PTPRT: variants seen among roughly 807,000 people sequenced by gnomAD.
The protein encoded by PTPRT is protein tyrosine phosphatase receptor type T, also known as receptor-type tyrosine-protein phosphatase T.
A neutral mutation model predicts 176.8 loss-of-function variants in PTPRT; 56 were observed. That is an observed-to-expected ratio of 0.32 (90% CI 0.26 to 0.40). The LOEUF is 0.40. Among genes scored for constraint, PTPRT ranks in the 10% least tolerant of loss-of-function variants. The pLI is 1.00. For synonymous variants in PTPRT, 783 were observed against 739.0 expected, an observed-to-expected ratio of 1.06 and a Z score of -0.96; for missense variants, 1,540 against 1,908.2, an observed-to-expected ratio of 0.81 and a Z score of 3.60.
intron 1 of PTPRT, among the ~76,000 whole-genome samples, chr20:42,985,626 T>C (rs1983529473): frequency 6.6e-6 from 1 of 151,994 alleles, no homozygotes; most frequent in East Asian, 1.9e-4. Flanking sequence ...TCAAAAACAA[T>C]GCACTTTTTT....
intron 15 of PTPRT, among the ~76,000 whole-genome samples, chr20:42,209,825 C>G (rs1408420005): frequency 6.6e-6 from 1 of 152,162 alleles, no homozygotes; most frequent in African/African-American, 2.4e-5. Context: ...GATACCAAAG[C>G]CTGGCAGAGA....
intron 1 of PTPRT, among the ~76,000 whole-genome samples, chr20:43,025,659 C>T (rs997258988): frequency 6.6e-6 from 1 of 152,156 alleles, no homozygotes; most frequent in Admixed American, 6.5e-5. Context: ...TCAAAGGTTC[C>T]TGTCTTAGGT....
chr20:42,381,725 G>T (rs2058699954), intron 9 of PTPRT, among the ~76,000 whole-genome samples: 1 of 151,874 alleles, frequency 6.6e-6, no homozygotes, highest in Admixed American at 6.6e-5. Context: ...GAAGGAGGGA[G>T]AAATATGTAA....
the PTPRT span, among the ~76,000 whole-genome samples, chr20:42,032,846 G>A: frequency 1.3e-5 from 2 of 152,124 alleles, no homozygotes; most frequent in African/African-American, 4.8e-5. Context: ...CCCAGAGAAT[G>A]GTGAGGAACT....
In PTPRT at chr20:42,128,755, T is replaced by C. The variant is rs564685400; in HGVS notation, c.2846A>G (p.Asp949Gly). The change falls in exon 19 of 31, where the codon GAC (aspartate) becomes GGC (glycine). Residue 949 changes from aspartate to glycine, a missense_variant and splice_region_variant. Around this residue, in one of 11 missense-constraint regions of PTPRT, gnomAD observed 248 missense variants for 356.7 expected, o/e 0.70. Transcript: ENST00000373187. Reference sequence around the variant, plus strand: ...CCCCAGCCCCATTAAGACACTCACGTCAATGTAGTTGGCATTGATGTAGTC... The same window carrying C: ...CCCCAGCCCCATTAAGACACTCACGCCAATGTAGTTGGCATTGATGTAGTC... ...HSDYINANYI[D>G]GYHRPRHYIA... The C allele has an allele frequency of 1.3e-6, 2 of 1,595,972 alleles. No individual in the cohort carries two copies. Among genetic ancestry groups the C allele is most frequent in the African/African-American group, 2.7e-5 (2 of 74,234 alleles).
intron 8 of PTPRT, among the ~76,000 whole-genome samples, chr20:42,471,417 C>T (rs1433558226): frequency 2.0e-5 from 3 of 152,068 alleles, no homozygotes; most frequent in Non-Finnish European, 2.9e-5. Context: ...GTGAATTCCC[C>T]GGAGATCTGG....
At chr20:42,050,325 A>G in the PTPRT span, among the ~76,000 whole-genome samples, 2 of 152,118 alleles carry the variant, frequency 1.3e-5, no homozygotes, top group African/African-American at 4.8e-5. Flanking sequence ...TCTTGCCTAG[A>G]CACTGTTTTA....
intron 1 of PTPRT, among the ~76,000 whole-genome samples, chr20:43,010,368 C>T (rs1985054176): frequency 6.6e-6 from 1 of 152,114 alleles, no homozygotes. Context: ...TCCTCACACT[C>T]ACCTTGCTGA....
rs139863925 is a variant in PTPRT at position 42,214,865 on chromosome 20, C to A, written c.2343-15477G>T. On this transcript the variant is annotated intron_variant, in intron 15 of 30. Transcript: ENST00000373187. ...AGGAATAGCACTGACTTTGGAGCCA[C>A]ACTGCCTAGACTGAAATCCTGGCTC... is the stretch of plus-strand genomic sequence containing the variant. 5.0e-3 allele frequency among the ~76,000 whole-genome samples: 759 copies of A among 152,342 alleles called. 6 individuals carry two copies. Among genetic ancestry groups the A allele is most frequent in the African/African-American group, 0.018 (734 of 41,580 alleles).
chr20:43,082,842 T>G (rs752721300), intron 1 of PTPRT, among the ~76,000 whole-genome samples: 1 of 152,116 alleles, frequency 6.6e-6, no homozygotes, highest in Non-Finnish European at 1.5e-5. Flanking sequence ...CCAGATAGTA[T>G]CAAAGAGCTG....
intron 28 of PTPRT, 36 bp from the exon 29 acceptor site, chr20:42,084,881 G>A: frequency 1.5e-6 from 2 of 1,367,790 alleles, no homozygotes; most frequent in Non-Finnish European, 1.9e-6. Flanking sequence ...TGTTCTGCTG[G>A]GGATGCTTGC....
intron 1 of PTPRT, among the ~76,000 whole-genome samples, chr20:43,069,152 T>C (rs1261963955): frequency 6.6e-6 from 1 of 152,156 alleles, no homozygotes; most frequent in African/African-American, 2.4e-5. Context: ...ACATGTTTGA[T>C]CCCAGCCATG....
chr20:42,648,919 T>A (rs531899854), intron 7 of PTPRT, among the ~76,000 whole-genome samples: 1 of 148,456 alleles, frequency 6.7e-6, no homozygotes, highest in East Asian at 2.1e-4. Flanking sequence ...CCCGGGTTCA[T>A]GCCATTCTCC....
In PTPRT at chr20:42,078,284, G is replaced by T. The variant is rs578008765; in HGVS notation, c.*2595C>A. 4.8e-6 allele frequency: 1 copy of T among 208,428 alleles called. No homozygotes were observed. The highest frequency in any genetic ancestry group is 2.3e-5 in the African/African-American group (1 of 44,002). The allele number at this position is 208,428 out of a possible 1,614,324, so 12.9% of individuals were successfully genotyped here. The stretch of plus-strand genomic sequence containing the variant: ...TCTGGTGTCCCTGGACTTCTGGACA[G>T]CTCCAGAGCCCATGCCAATGGAAGC... On this transcript the variant is annotated 3_prime_UTR_variant, in exon 31 of 31. Coordinates refer to ENST00000373187, the MANE Select transcript of PTPRT (RefSeq NM_007050.6).
chr20:43,160,437 G>T (rs112663151), intron 1 of PTPRT, among the ~76,000 whole-genome samples: 1 of 152,240 alleles, frequency 6.6e-6, no homozygotes, highest in Non-Finnish European at 1.5e-5. Context: ...AAGGCAATAA[G>T]AATAAATAAA....
At chr20:42,847,585 T>A (rs1019708300) in intron 2 of PTPRT, among the ~76,000 whole-genome samples, 1 of 152,156 alleles carries the variant, frequency 6.6e-6, no homozygotes, top group Non-Finnish European at 1.5e-5. Flanking sequence ...AACTTGGATA[T>A]ACATGTTCAG....
rs137866919 is a variant in PTPRT, at chr20:42,512,286, C to T, written c.1154-39724G>A. On this transcript the variant is annotated intron_variant, in intron 7 of 30. Coordinates refer to ENST00000373187, the MANE Select transcript of PTPRT (RefSeq NM_007050.6). The stretch of plus-strand genomic sequence containing the variant: ...ACTATCCTTCCATAGTCACAGTGTC[C>T]CTAAAACTTCCCACACAACTCCTAA... Among the ~76,000 whole-genome samples the T allele has an allele frequency of 1.2e-4, 19 of 152,214 alleles. No homozygotes were observed. In the East Asian group the frequency reaches 3.5e-3, roughly 28 times the overall value.
chr20:42,624,479 TG>T (rs2074257063), intron 7 of PTPRT, among the ~76,000 whole-genome samples: 1 of 152,172 alleles, frequency 6.6e-6, no homozygotes, highest in African/African-American at 2.4e-5. Context: ...CTCAAACTAT[TG>T]AAAAAAATTA....
chr20:42,515,462 G>T (rs1218458722), intron 7 of PTPRT, among the ~76,000 whole-genome samples: 1 of 152,166 alleles, frequency 6.6e-6, no homozygotes, highest in Non-Finnish European at 1.5e-5. Context: ...CAGCCTGAGT[G>T]ACAGAGCAAG....
Sources: gnomAD v4.1 joint callset for allele counts (sites outside exome capture counted in the v4.1 genomes callset) on GRCh38, gnomAD v4.1.1 for gene constraint, gnomAD v4.1.1 regional missense constraint, MANE v1.5 for transcripts, NCBI Gene and HGNC (gene_info 2026-07-23, HGNC 2026-07-21) for gene names.